NUP210: variants seen among roughly 807,000 people sequenced by gnomAD.
NUP210 encodes the protein nucleoporin 210.
Under a neutral mutation model 196.0 loss-of-function variants are expected in NUP210, and 151 were observed. That is an observed-to-expected ratio of 0.77 (90% CI 0.67 to 0.88). NUP210 has a LOEUF of 0.88. Among genes scored for constraint, NUP210 ranks in the 40% least tolerant of loss-of-function variants. The pLI is 0.00. For missense variants in NUP210, 2,314 were observed against 2,493.7 expected (o/e 0.93, Z 1.53); for synonymous variants, 1,070 against 1,052.7 (o/e 1.02, Z -0.32).
In NUP210 at chr3:13,379,009, A is replaced by G. The variant is rs139534301; in HGVS notation, c.977-29T>C. 175 of 1,590,858 alleles carry G rather than the reference A, an allele frequency of 1.1e-4. No homozygotes were observed. In the African/African-American group the frequency reaches 1.7e-3, roughly 15 times the overall value. ...AATTTTGAATTAAGGGGCAAGACAT[A>G]TGACAGCAAATAAACCAGCTGGCTG... On this transcript the variant is annotated intron_variant, in intron 7 of 39. Coordinates refer to ENST00000254508, the MANE Select transcript of NUP210 (RefSeq NM_024923.4). The surrounding 1 kb of genome is among the most constrained non-coding windows in gnomAD (Gnocchi z 4.2).
At chr3:13,353,502 G>C in intron 18 of NUP210, 52 bp downstream of exon 18, 2 of 1,419,974 alleles carry the variant, frequency 1.4e-6, no homozygotes, top group Non-Finnish European at 1.0e-6. Context: ...GCAGAAGTAG[G>C]AGGCTTGCCC....
intron 31 of NUP210, among the ~76,000 whole-genome samples, chr3:13,328,023 T>G (rs1696846190): frequency 6.6e-6 from 1 of 152,236 alleles, no homozygotes; most frequent in Non-Finnish European, 1.5e-5. Flanking sequence ...TTAGGGATCA[T>G]GGCTGCATCC....
rs190557043 is a variant in NUP210 at position 13,411,077 on chromosome 3, T to A, written c.167+8983A>T. 1.4e-3 allele frequency among the ~76,000 whole-genome samples: 211 copies of A among 150,540 alleles called. 2 individuals are homozygous for A. Among genetic ancestry groups the A allele is most frequent in the African/African-American group, 4.9e-3 (199 of 41,010 alleles). The stretch of plus-strand genomic sequence containing the variant: ...AAATAATAATAATAAATAAAAATTT[T>A]AAAAATTAGCTGGGCGTGGTGGCTC... On this transcript the variant is annotated intron_variant, in intron 1 of 39. Coordinates refer to ENST00000254508, the MANE Select transcript of NUP210 (RefSeq NM_024923.4).
rs368543774 is a variant in NUP210, at chr3:13,388,296, G to C, written c.684+7C>G. The C allele has an allele frequency of 1.3e-6, 2 of 1,597,490 alleles. No homozygotes were observed. Among genetic ancestry groups the C allele is most frequent in the African/African-American group, 2.7e-5 (2 of 74,204 alleles). On this transcript the variant is annotated splice_region_variant and intron_variant, in intron 5 of 39. Transcript: ENST00000254508. ...AGCCCACTGACACCCCAGCGCCCCA[G>C]GCCCACCTTGTAGACAGCCTCCTGG...
intron 16 of NUP210, among the ~76,000 whole-genome samples, chr3:13,355,622 A>G (rs1178489524): frequency 6.6e-6 from 1 of 152,014 alleles, no homozygotes; most frequent in Non-Finnish European, 1.5e-5. Context: ...GCTCCTCCCA[A>G]CTCCTTCTAG....
At chr3:13,389,559 G>C (rs1410212176) in intron 4 of NUP210, among the ~76,000 whole-genome samples, 2 of 152,162 alleles carry the variant, frequency 1.3e-5, no homozygotes, top group Admixed American at 1.3e-4. Context: ...CATGGTCATT[G>C]TTTTACAAAA....
intron 1 of NUP210, among the ~76,000 whole-genome samples, chr3:13,412,570 C>T (rs1221514692): frequency 6.6e-6 from 1 of 151,808 alleles, no homozygotes; most frequent in African/African-American, 2.4e-5. Context: ...AAAAATTAGC[C>T]GGGCATGGTG....
chr3:13,354,033 G>A lies in NUP210; in HGVS notation c.2403C>T (p.Asn801=). The A allele has an allele frequency of 6.2e-7, 1 of 1,608,684 alleles. No homozygotes were observed. The highest frequency in any genetic ancestry group is 8.5e-7 in the Non-Finnish European group (1 of 1,177,676). The change falls in exon 17 of 40, where the codon AAC becomes AAT. Residue 801 remains asparagine (N), a synonymous_variant. Coordinates refer to ENST00000254508, the MANE Select transcript of NUP210 (RefSeq NM_024923.4). Reference sequence around the variant, plus strand: ...CCCACTGGATGCTCAGAGAGCTGAAGTTGTCGAACCGGCGGCCCTCCTGGT... The same window carrying A: ...CCCACTGGATGCTCAGAGAGCTGAAATTGTCGAACCGGCGGCCCTCCTGGT... ...AYDQEGRRFD[N]FSSLSIQWES... is the part of the protein sequence containing the mutation.
In NUP210 at chr3:13,340,357, TA is replaced by T; in HGVS notation, c.3229-60del. The stretch of plus-strand genomic sequence containing the variant: ...TGCCCCAAGCCCATGGCGCCAAGCA[TA>T]ACTCACACACTACATGTTTCATGAG... On this transcript the variant is annotated intron_variant, in intron 23 of 39. Coordinates refer to ENST00000254508, the MANE Select transcript of NUP210 (RefSeq NM_024923.4). The surrounding 1 kb of genome is among the most constrained non-coding windows in gnomAD (Gnocchi z 4.0). The T allele has an allele frequency of 7.0e-7, 1 of 1,437,150 alleles. No individual in the cohort carries two copies. The highest frequency in any genetic ancestry group is 2.3e-5 in the East Asian group (1 of 43,842). 89.0% of individuals were successfully genotyped at this position (1,437,150 alleles called of 1,614,324 possible).
At chr3:13,388,235 A>G in intron 5 of NUP210, 68 bp downstream of exon 5, 1 of 1,259,436 alleles carries the variant, frequency 7.9e-7, no homozygotes, top group Non-Finnish European at 1.1e-6. Flanking sequence ...GATGGTACCT[A>G]TAAGCAGGTA....
At chr3:13,411,284 T>A (rs182389284) in intron 1 of NUP210, among the ~76,000 whole-genome samples, 4 of 152,248 alleles carry the variant, frequency 2.6e-5, no homozygotes, top group Non-Finnish European at 4.4e-5. Flanking sequence ...GGAAACTGGG[T>A]AAACCAACAA....
chr3:13,371,741 C>T, intron 13 of NUP210, 93 bp downstream of exon 13: 1 of 1,176,320 alleles, frequency 8.5e-7, no homozygotes, highest in Admixed American at 2.1e-5. Flanking sequence ...TGCCTCAAGC[C>T]CTCTCTTTGG....
At chr3:13,339,146 T>C (rs552354263) in intron 25 of NUP210, among the ~76,000 whole-genome samples, 1 of 152,138 alleles carries the variant, frequency 6.6e-6, no homozygotes, top group Non-Finnish European at 1.5e-5. Context: ...AGTAAATCAA[T>C]GAACTCAATG....
chr3:13,418,330 C>T (rs1042247834), intron 1 of NUP210, among the ~76,000 whole-genome samples: 3 of 152,206 alleles, frequency 2.0e-5, no homozygotes, highest in South Asian at 2.1e-4. Flanking sequence ...CAGTGGCTCA[C>T]GCCTGTAATC....
At chr3:13,382,052 C>G (rs1699120385) in intron 6 of NUP210, among the ~76,000 whole-genome samples, 3 of 152,226 alleles carry the variant, frequency 2.0e-5, no homozygotes, top group Non-Finnish European at 4.4e-5. Flanking sequence ...ACAACTGAGT[C>G]TCTGACACAT....
intron 33 of NUP210, among the ~76,000 whole-genome samples, chr3:13,324,565 C>G (rs1237218750): frequency 2.0e-5 from 3 of 152,208 alleles, no homozygotes; most frequent in African/African-American, 7.2e-5. Flanking sequence ...CCTCCAGCCT[C>G]ACTTCTGGAT....
chr3:13,341,676 C>G, intron 23 of NUP210, 72 bp downstream of exon 23: 2 of 1,534,510 alleles, frequency 1.3e-6, no homozygotes, highest in South Asian at 2.3e-5. Flanking sequence ...GCTTCCTGGA[C>G]TGTACTATAA....
intron 12 of NUP210, 48 bp from the exon 13 acceptor site, chr3:13,372,080 G>A: frequency 1.4e-6 from 2 of 1,478,826 alleles, no homozygotes; most frequent in Non-Finnish European, 1.8e-6. Flanking sequence ...CACAGGAGAG[G>A]CAGGGCCTGT....
rs780519488 is a variant in NUP210 at position 13,335,590 on chromosome 3, T to C, written c.3707A>G (p.Gln1236Arg). ...HHEASIRLPSQYNFAMNVLGR... is the reference protein window; with the variant it reads ...HHEASIRLPSRYNFAMNVLGR... ...GAGCACGTTCATGGCAAAGTTGTAC[T>C]GTGACGGGAGTCGGATCGACGCCTG... The change falls in exon 28 of 40, where the codon CAG becomes CGG. Residue 1236 changes from glutamine (Q) to arginine (R), a missense_variant. Physicochemically the swap from Gln to Arg is conservative, Grantham distance 43. Coordinates refer to ENST00000254508, the MANE Select transcript of NUP210 (RefSeq NM_024923.4). 21 of 1,613,968 alleles carry C rather than the reference T, an allele frequency of 1.3e-5. No individual in the cohort carries two copies. The African/African-American group carries it at 2.0e-4, about 15-fold the overall frequency.
Sources: allele counts gnomAD v4.1 joint callset (sites outside exome capture counted in the v4.1 genomes callset), GRCh38; gene constraint gnomAD v4.1.1; non-coding constraint Gnocchi (gnomAD v3.1); transcripts MANE v1.5; gene names NCBI Gene and HGNC (gene_info 2026-07-23, HGNC 2026-07-21).